Variants in ADARB2 observed in about 807,000 individuals in gnomAD.
ADARB2 encodes the protein inactive double-stranded RNA-specific editase B2.
In ADARB2, 25 loss-of-function variants were observed where a neutral mutation model predicts 62.2. The observed-to-expected ratio is 0.40, with a 90% CI of 0.29 to 0.56. ADARB2 has a LOEUF of 0.56. Ranked by LOEUF, ADARB2 falls within the 20% of genes least tolerant of loss-of-function variation. The pLI, the probability that ADARB2 is intolerant of heterozygous loss-of-function variation, is 0.43. For missense variants in ADARB2, 1,071 were observed against 1,077.4 expected, an observed-to-expected ratio of 0.99 and a Z score of 0.08; for synonymous variants, 572 against 500.8, an observed-to-expected ratio of 1.14 and a Z score of -1.90.
rs73592269 is a variant in ADARB2 at position 1,256,913 on chromosome 10, G to A, written c.1192+14042C>T. Among the ~76,000 whole-genome samples the A allele has an allele frequency of 2.9e-3, 445 of 152,282 alleles. 1 individual carries two copies. Among genetic ancestry groups the A allele is most frequent in the African/African-American group, 9.8e-3 (407 of 41,564 alleles). On this transcript the variant is annotated intron_variant, in intron 4 of 9. Coordinates refer to ENST00000381312, the MANE Select transcript of ADARB2 (RefSeq NM_018702.4). The stretch of plus-strand genomic sequence containing the variant: ...TCGATGAACGGTCTCTTCTCCTACC[G>A]AGGATGGCTGACAAGGTCTCCTCAC...
intron 3 of ADARB2, among the ~76,000 whole-genome samples, chr10:1,326,705 T>G (rs1420259165): frequency 7.1e-6 from 1 of 140,088 alleles, no homozygotes; most frequent in African/African-American, 2.6e-5. Flanking sequence ...TCCTCACAGC[T>G]CAGCGTCTCC....
intron 1 of ADARB2, among the ~76,000 whole-genome samples, chr10:1,436,406 G>A (rs112294013): frequency 1.6e-4 from 25 of 152,274 alleles, no homozygotes; most frequent in South Asian, 1.2e-3. Flanking sequence ...AGCAAAAGCC[G>A]ATAATGTCTG....
Position 1,407,580 on chromosome 10 carries a change from G to A in ADARB2, c.101-28420C>T, listed in dbSNP as rs538981119. ...CTGGGGCCTCAGCCTGCATTCTGTT[G>A]GATTATGCCTCAGCCCAGGAGTCCC... On this transcript the variant is annotated intron_variant, in intron 1 of 9. Transcript: ENST00000381312. Among the ~76,000 whole-genome samples the A allele has an allele frequency of 7.9e-5, 12 of 152,312 alleles. No individual in the cohort carries two copies. In the East Asian group the frequency reaches 2.1e-3, roughly 27 times the overall value.
At chr10:1,410,566 G>C (rs1016386177) in intron 1 of ADARB2, among the ~76,000 whole-genome samples, 1 of 152,206 alleles carries the variant, frequency 6.6e-6, no homozygotes, top group African/African-American at 2.4e-5. Context: ...GCAGAAAATG[G>C]CTGCTGCTCT....
intron 1 of ADARB2, among the ~76,000 whole-genome samples, chr10:1,725,293 T>C (rs555533467): frequency 7.7e-4 from 117 of 152,356 alleles, no homozygotes; most frequent in African/African-American, 2.5e-3. Context: ...GGTCTCGCGA[T>C]GTCACATGGC....
Position 1,432,714 on chromosome 10 carries a change from A to T in ADARB2, c.101-53554T>A, listed in dbSNP as rs553083402. Among the ~76,000 whole-genome samples the T allele has an allele frequency of 2.1e-3, 325 of 151,996 alleles. 1 individual carries two copies. Among genetic ancestry groups the T allele is most frequent in the African/African-American group, 7.5e-3 (309 of 41,442 alleles). Reference sequence around the variant, plus strand: ...ACTTATATGAGTATGCTTAATATGAATATGCTTATTCAAAGCTTATTCAAA... The same window carrying T: ...ACTTATATGAGTATGCTTAATATGATTATGCTTATTCAAAGCTTATTCAAA... On this transcript the variant is annotated intron_variant, in intron 1 of 9. Coordinates refer to ENST00000381312, the MANE Select transcript of ADARB2 (RefSeq NM_018702.4).
chr10:1,520,748 A>C (rs1228602685), intron 1 of ADARB2, among the ~76,000 whole-genome samples: 1 of 152,234 alleles, frequency 6.6e-6, no homozygotes, highest in Non-Finnish European at 1.5e-5. Flanking sequence ...TCCTATGATA[A>C]GAAAATTATG....
chr10:1,472,992 T>C (rs1264315614), intron 1 of ADARB2, among the ~76,000 whole-genome samples: 3 of 152,130 alleles, frequency 2.0e-5, no homozygotes, highest in Non-Finnish European at 4.4e-5. Context: ...AGCTTCCCGA[T>C]AGGATCTCAG....
intron 3 of ADARB2, among the ~76,000 whole-genome samples, chr10:1,332,427 A>AT (rs1390378951): frequency 6.6e-6 from 1 of 151,434 alleles, no homozygotes; most frequent in Non-Finnish European, 1.5e-5. Context: ...GAAAAAAAAA[A>AT]AAAATAAATA....
chr10:1,404,876 C>T (rs1394539335), intron 1 of ADARB2, among the ~76,000 whole-genome samples: 2 of 152,210 alleles, frequency 1.3e-5, no homozygotes, highest in East Asian at 3.8e-4. Flanking sequence ...GGTGAATTCC[C>T]CGGGAGCTCA....
chr10:1,735,972 A>C (rs1466853574), intron 1 of ADARB2, among the ~76,000 whole-genome samples: 1 of 152,196 alleles, frequency 6.6e-6, no homozygotes, highest in East Asian at 1.9e-4. Context: ...ATTCTTCAGG[A>C]AAGATGGACA....
chr10:1,252,659 ATTT>A (rs36041056), intron 4 of ADARB2, among the ~76,000 whole-genome samples: 1 of 149,682 alleles, frequency 6.7e-6, no homozygotes, highest in African/African-American at 2.4e-5. Flanking sequence ...CTGCAAGCCA[ATTT>A]TTTTTTTTTT....
intron 8 of ADARB2, among the ~76,000 whole-genome samples, chr10:1,186,277 G>T (rs1345486377): frequency 6.6e-6 from 1 of 152,114 alleles, no homozygotes; most frequent in African/African-American, 2.4e-5. Flanking sequence ...GGTGGACGTG[G>T]CCCTCAGACG....
intron 1 of ADARB2, among the ~76,000 whole-genome samples, chr10:1,664,655 T>C (rs1484187571): frequency 2.0e-5 from 3 of 152,076 alleles, no homozygotes; most frequent in Non-Finnish European, 4.4e-5. Context: ...CTGGTAGGAG[T>C]GCACTAGCCT....
At chr10:1,321,250 T>C (rs575761787) in intron 3 of ADARB2, among the ~76,000 whole-genome samples, 1 of 152,324 alleles carries the variant, frequency 6.6e-6, no homozygotes, top group South Asian at 2.1e-4. Context: ...ACCTCTTCTC[T>C]CTTGCAGAGA....
chr10:1,612,375 A>T (rs1423318036), intron 1 of ADARB2, among the ~76,000 whole-genome samples: 2 of 152,188 alleles, frequency 1.3e-5, no homozygotes, highest in African/African-American at 4.8e-5. Flanking sequence ...CTCCAGAGGG[A>T]GGGGCTGGAC....
chr10:1,342,065 A>G (rs923174315), intron 3 of ADARB2, among the ~76,000 whole-genome samples: 1 of 152,224 alleles, frequency 6.6e-6, no homozygotes, highest in African/African-American at 2.4e-5. Flanking sequence ...AGTCAGAACT[A>G]TGCTGCAGCT....
intron 1 of ADARB2, among the ~76,000 whole-genome samples, chr10:1,540,665 C>T (rs1172388990): frequency 9.9e-6 from 1 of 101,060 alleles, no homozygotes; most frequent in Non-Finnish European, 2.2e-5. Context: ...GCAGTTTGGA[C>T]CCTGGATCAC....
intron 1 of ADARB2, among the ~76,000 whole-genome samples, chr10:1,680,594 C>T (rs1180930530): frequency 1.3e-5 from 2 of 152,136 alleles, no homozygotes; most frequent in Non-Finnish European, 2.9e-5. Flanking sequence ...ACCAAAGAGT[C>T]CCAAGAACAG....
Sources: allele counts gnomAD v4.1 joint callset (sites outside exome capture counted in the v4.1 genomes callset), GRCh38; gene constraint gnomAD v4.1.1; transcripts MANE v1.5; gene names NCBI Gene and HGNC (gene_info 2026-07-23, HGNC 2026-07-21).